Variants in GEMIN2 observed in about 807,000 individuals in gnomAD.
The protein encoded by GEMIN2 is gem-associated protein 2.
A neutral mutation model predicts 45.8 loss-of-function variants in GEMIN2; 37 were observed. The observed-to-expected ratio is 0.81, with a 90% CI of 0.62 to 1.06. GEMIN2 has a LOEUF of 1.06. Ranked by LOEUF, GEMIN2 falls within the 50% of genes least tolerant of loss-of-function variation. The probability of loss-of-function intolerance (pLI) is 0.00; values close to 1 mark genes in which losing one functional copy is unlikely to be tolerated. For missense variants in GEMIN2, 335 were observed against 321.8 expected (o/e 1.04, Z -0.31); for synonymous variants, 101 against 111.5 (o/e 0.91, Z 0.60).
rs200880386 is a variant in GEMIN2 at position 39,132,021 on chromosome 14, C to T, written c.664C>T (p.Leu222=). ...EKPLLPEAHS[L]IRQLARRCSE... ...GCCTTTGTTACCTGAGGCTCATTCA[C>T]TGATTCGGCAGCTTGCAAGAAGGTG... is the stretch of plus-strand genomic sequence containing the variant. Residue 222 remains leucine (L), a synonymous_variant, in exon 8 of 10, where the codon CTG becomes TTG. Transcript: ENST00000308317. 8.7e-6 allele frequency: 14 copies of T among 1,603,628 alleles called. No individual in the cohort carries two copies. The highest frequency in any genetic ancestry group is 2.7e-5 in the African/African-American group (2 of 74,672).
At chr14:39,128,480 C>CTTTTTTTTTTTTTT (rs1253528442) in intron 7 of GEMIN2, 132 bp downstream of exon 7, 1 of 234,754 alleles carries the variant, frequency 4.3e-6, no homozygotes, top group Non-Finnish European at 7.1e-6. Flanking sequence ...TTCTTTTTTT[C>CTTTTTTTTTTTTTT]TTTTCTTTTT....
intron 8 of GEMIN2, 126 bp downstream of exon 8, chr14:39,132,194 C>A (rs970165324): frequency 2.9e-5 from 19 of 645,732 alleles, no homozygotes; most frequent in East Asian, 1.3e-4. Flanking sequence ...TTGTAAAGCC[C>A]AAAATAATAG....
rs991420681 is a variant in GEMIN2 at position 39,117,129 on chromosome 14, G to A, written c.223-870G>A. ...CTCTACTAAAAATACAAAATTAGCC[G>A]GGTGTGGTGGCACATGCCTGTAATC... On this transcript the variant is annotated intron_variant, in intron 2 of 9. Transcript: ENST00000308317. Among the ~76,000 whole-genome samples the A allele has an allele frequency of 9.9e-5, 15 of 152,098 alleles. No individual in the cohort carries two copies. In the South Asian group the frequency reaches 2.1e-3, roughly 21 times the overall value.
intron 7 of GEMIN2, among the ~76,000 whole-genome samples, chr14:39,129,927 C>T (rs115418521): frequency 0.081 from 10,909 of 134,442 alleles, 476 homozygotes; most frequent in African/African-American, 0.12. Flanking sequence ...TCATTGCAGA[C>T]AAGTTTGTTT....
chr14:39,134,486 A>G (rs535779834), intron 9 of GEMIN2: 2 of 152,296 alleles, frequency 1.3e-5, no homozygotes, highest in East Asian at 3.9e-4. Context: ...TTTGTTCCAT[A>G]GATCAGTGTT....
chr14:39,118,556 G>C lies in GEMIN2; in HGVS notation c.329G>C (p.Arg110Thr). 1 of 1,486,988 alleles carries C rather than the reference G, an allele frequency of 6.7e-7. No individual in the cohort carries two copies. Among genetic ancestry groups the C allele is most frequent in the East Asian group, 2.3e-5 (1 of 44,214 alleles). 92.1% of individuals were successfully genotyped at this position (1,486,988 alleles called of 1,614,324 possible). The change falls in exon 4 of 10, where the codon AGA becomes ACA. Residue 110 changes from arginine to threonine, a missense_variant. Transcript: ENST00000308317. ...STVRQNVNKH[R>T]SHWKSQQLDS... The stretch of plus-strand genomic sequence containing the variant: ...TTCCTTTAGAATGTGAACAAACATA[G>C]AAGTCACTGGAAATCACAACAGTTG...
intron 2 of GEMIN2, among the ~76,000 whole-genome samples, chr14:39,116,800 G>C (rs1020473251): frequency 3.3e-5 from 5 of 152,108 alleles, no homozygotes; most frequent in Non-Finnish European, 5.9e-5. Flanking sequence ...GCACAGGCCA[G>C]AGTACAGTGC....
intron 4 of GEMIN2, chr14:39,121,868 A>G: frequency 6.2e-6 from 1 of 161,854 alleles, no homozygotes; most frequent in Admixed American, 6.2e-5. Context: ...GTGCACCACC[A>G]CATCCGGCTA....
At position 39,114,482 on chromosome 14, in the gene GEMIN2, G is replaced by A; in HGVS notation, c.137+7G>A. 1 of 1,609,434 alleles carries A rather than the reference G, an allele frequency of 6.2e-7. No homozygotes were observed. Among genetic ancestry groups the A allele is most frequent in the Non-Finnish European group, 8.5e-7 (1 of 1,176,372 alleles). ...AATACCTGAGGCGGGTCCAGTGAGT[G>A]ATTCGGCCCTGGGCGGGTGGGCTGG... On this transcript the variant is annotated splice_region_variant and intron_variant, in intron 1 of 9. Transcript: ENST00000308317.
intron 4 of GEMIN2, among the ~76,000 whole-genome samples, chr14:39,121,411 G>A (rs552813590): frequency 1.2e-4 from 18 of 152,290 alleles, no homozygotes; most frequent in Admixed American, 1.1e-3. Flanking sequence ...GCACATGCCT[G>A]TAGTCCCAGC....
Position 39,128,067 on chromosome 14 carries a change from C to CAAAAAAA in GEMIN2, c.532-193_532-187dup, listed in dbSNP as rs1212260025. On this transcript the variant is annotated intron_variant, in intron 6 of 9. Transcript: ENST00000308317. ...TGGGCAACAGAGTGAGACTCTATCT[C>CAAAAAAA]AAAAAAAAAAAAAAAAAAAAAAAAA... 3.3e-3 allele frequency among the ~76,000 whole-genome samples: 35 copies of CAAAAAAA among 10,562 alleles called. 17 individuals carry two copies. The highest frequency in any genetic ancestry group is 5.5e-3 in the Non-Finnish European group (17 of 3,084). 6.9% of individuals were successfully genotyped at this position (10,562 alleles called of 152,430 possible). A position where few individuals can be genotyped will look rare whatever the true frequency, so the allele number is the denominator to read the frequency against.
chr14:39,122,601 A>C, intron 5 of GEMIN2, 58 bp downstream of exon 5: 1 of 866,476 alleles, frequency 1.2e-6, no homozygotes, highest in Non-Finnish European at 1.9e-6. Context: ...GCACCACTTA[A>C]TATAAGGGGT....
At chr14:39,118,790 T>C (rs1307037761) in intron 4 of GEMIN2, among the ~76,000 whole-genome samples, 191 bp downstream of exon 4, 2 of 151,526 alleles carry the variant, frequency 1.3e-5, no homozygotes, top group East Asian at 3.9e-4. Flanking sequence ...ATTTTTTTTT[T>C]TTTTTTTTTT....
chr14:39,129,934 G>GTTTTTTTT lies in GEMIN2; in HGVS notation c.600+1603_600+1610dup, dbSNP rs34165330. On this transcript the variant is annotated intron_variant, in intron 7 of 9. Transcript: ENST00000308317. ...TCCTTATCTCATTGCAGACAAGTTT[G>GTTTTTTTT]TTTTTTTTTTTTTTTTTTTTTTTTG... is the stretch of plus-strand genomic sequence containing the variant. Among the ~76,000 whole-genome samples, 35 of 61,434 alleles carry GTTTTTTTT rather than the reference G, an allele frequency of 5.7e-4. 1 individual carries two copies. Among genetic ancestry groups the GTTTTTTTT allele is most frequent in the Non-Finnish European group, 6.8e-4 (23 of 33,690 alleles). 40.3% of individuals were successfully genotyped at this position (61,434 alleles called of 152,430 possible). A position where few individuals can be genotyped will look rare whatever the true frequency, so the allele number is the denominator to read the frequency against.
chr14:39,129,754 G>GTA (rs1408129011), intron 7 of GEMIN2, among the ~76,000 whole-genome samples: 9 of 151,154 alleles, frequency 6.0e-5, no homozygotes, highest in East Asian at 3.9e-4. Context: ...GTGTGTGTGT[G>GTA]TGTATATACA....
At chr14:39,125,172 C>A in intron 6 of GEMIN2, 136 bp downstream of exon 6, 1 of 566,754 alleles carries the variant, frequency 1.8e-6, no homozygotes, top group South Asian at 2.7e-5. Flanking sequence ...CTTATTTAAT[C>A]CTTACTACAA....
At chr14:39,116,049 C>T (rs955778438) in intron 2 of GEMIN2, among the ~76,000 whole-genome samples, 4 of 147,832 alleles carry the variant, frequency 2.7e-5, no homozygotes, top group Admixed American at 6.8e-5. Context: ...CTTTTTCCCC[C>T]TTTTTTTTTT....
intron 9 of GEMIN2, 139 bp downstream of exon 9, chr14:39,133,858 A>G (rs145065303): frequency 7.9e-5 from 40 of 506,922 alleles, no homozygotes; most frequent in African/African-American, 7.0e-4. Context: ...CAGTGGCGCA[A>G]TCACAGCTCA....
intron 5 of GEMIN2, among the ~76,000 whole-genome samples, chr14:39,124,307 T>G (rs1016079898): frequency 6.6e-6 from 1 of 152,218 alleles, no homozygotes; most frequent in African/African-American, 2.4e-5. Context: ...CTTGAAAATA[T>G]TAGCTTTAGC....
Sources: gnomAD v4.1 joint callset for allele counts (sites outside exome capture counted in the v4.1 genomes callset) on GRCh38, gnomAD v4.1.1 for gene constraint, MANE v1.5 for transcripts, NCBI Gene and HGNC (gene_info 2026-07-23, HGNC 2026-07-21) for gene names.